The following ARHGAP42 variants were observed in gnomAD, a reference collection of about 807,000 sequenced individuals.
The protein encoded by ARHGAP42 is rho GTPase-activating protein 42.
Under a neutral mutation model 125.0 loss-of-function variants are expected in ARHGAP42, and 63 were observed. That is an observed-to-expected ratio of 0.50 (90% CI 0.41 to 0.62). The LOEUF (loss-of-function observed/expected upper bound fraction) is 0.62. Among genes scored for constraint, ARHGAP42 ranks in the 20% least tolerant of loss-of-function variants. The pLI is 0.00. For synonymous variants in ARHGAP42, 339 were observed against 351.0 expected, an observed-to-expected ratio of 0.97 and a Z score of 0.38; for missense variants, 766 against 1,024.2, an observed-to-expected ratio of 0.75 and a Z score of 3.44.
intron 1 of ARHGAP42, among the ~76,000 whole-genome samples, chr11:100,722,573 A>G (rs1476325062): frequency 6.6e-6 from 1 of 151,956 alleles, no homozygotes; most frequent in Non-Finnish European, 1.5e-5. Flanking sequence ...TATTTTTAGT[A>G]GAGACGGGTT....
At chr11:100,983,688 AAT>A (rs1182896371) in intron 22 of ARHGAP42, among the ~76,000 whole-genome samples, 2 of 152,308 alleles carry the variant, frequency 1.3e-5, no homozygotes, top group African/African-American at 4.8e-5. Context: ...ATGGAATTGC[AAT>A]ATATATGTCT....
chr11:100,730,653 T>G (rs982216116), intron 1 of ARHGAP42, among the ~76,000 whole-genome samples: 1 of 152,244 alleles, frequency 6.6e-6, no homozygotes, highest in African/African-American at 2.4e-5. Context: ...CATTTTTTCC[T>G]TAAAGTGGGT....
rs1418628006 is a variant in ARHGAP42 at position 100,987,611 on chromosome 11, T to G, written c.2536+19T>G. ...TCTAATGGTAAGTATGTCAATTCCC[T>G]CTGCCTAAGTTTGTCATCATGGGGA... is the stretch of plus-strand genomic sequence containing the variant. On this transcript the variant is annotated intron_variant, in intron 23 of 23. Transcript: ENST00000298815. The G allele has an allele frequency of 6.5e-7, 1 of 1,546,740 alleles. No homozygotes were observed. Among genetic ancestry groups the G allele is most frequent in the South Asian group, 1.2e-5 (1 of 83,960 alleles).
intron 1 of ARHGAP42, among the ~76,000 whole-genome samples, chr11:100,713,423 A>C (rs1861597544): frequency 6.6e-6 from 1 of 152,150 alleles, no homozygotes; most frequent in South Asian, 2.1e-4. Context: ...GGATCCTCTG[A>C]TCCTCTGTAC....
chr11:100,799,499 C>T (rs1372940961), intron 3 of ARHGAP42, among the ~76,000 whole-genome samples: 2 of 152,140 alleles, frequency 1.3e-5, no homozygotes, highest in Admixed American at 6.5e-5. Flanking sequence ...TCAAAGAAGT[C>T]TAACTTCCAC....
rs554039213 is a variant in ARHGAP42, at chr11:100,867,581, A to G, written c.384+7956A>G. Among the ~76,000 whole-genome samples the G allele has an allele frequency of 2.7e-4, 41 of 152,336 alleles. 1 individual carries two copies. The highest frequency in any genetic ancestry group is 9.4e-4 in the African/African-American group (39 of 41,572). On this transcript the variant is annotated intron_variant, in intron 4 of 23. Transcript: ENST00000298815. ...CGTGCTCTGGATAAGGCTTTGGCTT[A>G]AGGGAATATTGTGGTTGATCTTCTA...
chr11:100,838,389 A>G (rs1864866110), intron 3 of ARHGAP42, among the ~76,000 whole-genome samples: 1 of 152,100 alleles, frequency 6.6e-6, no homozygotes, highest in Admixed American at 6.6e-5. Context: ...TATGCTCATC[A>G]AGCTAAAGAT....
intron 2 of ARHGAP42, among the ~76,000 whole-genome samples, chr11:100,774,520 C>T (rs1863067109): frequency 6.6e-6 from 1 of 152,152 alleles, no homozygotes; most frequent in African/African-American, 2.4e-5. Flanking sequence ...AATACTGTGA[C>T]TTACAAAGAA....
chr11:100,879,490 G>T (rs891140812), intron 4 of ARHGAP42, among the ~76,000 whole-genome samples: 1 of 152,142 alleles, frequency 6.6e-6, no homozygotes, highest in Non-Finnish European at 1.5e-5. Flanking sequence ...TATTTGGTGG[G>T]TTTTGTTTGT....
In ARHGAP42 at chr11:100,795,145, A is replaced by C. The variant is rs1158525607; in HGVS notation, c.291A>C (p.Val97=). 6.5e-7 allele frequency: 1 copy of C among 1,543,778 alleles called. No homozygotes were observed. Among genetic ancestry groups the C allele is most frequent in the Non-Finnish European group, 8.7e-7 (1 of 1,143,376 alleles). Residue 97 remains valine (V), a synonymous_variant, in exon 3 of 24, where the codon GTA becomes GTC. Coordinates refer to ENST00000298815, the MANE Select transcript of ARHGAP42 (RefSeq NM_152432.4). Reference sequence around the variant, plus strand: ...AATTTGCAAGACTACTCATTGCAGTAGAAGAAGAAAGGCGAAGACTGGTAA... The same window carrying C: ...AATTTGCAAGACTACTCATTGCAGTCGAAGAAGAAAGGCGAAGACTGGTAA... ...LKEFARLLIA[V]EEERRRLIQN...
chr11:100,772,704 G>A (rs1028396892), intron 2 of ARHGAP42, among the ~76,000 whole-genome samples: 1 of 152,048 alleles, frequency 6.6e-6, no homozygotes, highest in Non-Finnish European at 1.5e-5. Context: ...ATAAACGTCT[G>A]GTCCTCAACA....
intron 4 of ARHGAP42, among the ~76,000 whole-genome samples, chr11:100,905,094 A>G (rs570031915): frequency 6.6e-6 from 1 of 152,292 alleles, no homozygotes; most frequent in Admixed American, 6.5e-5. Flanking sequence ...CATTCTTACC[A>G]ATTTTTCAAC....
intron 12 of ARHGAP42, among the ~76,000 whole-genome samples, chr11:100,954,588 T>A (rs518675): frequency 0.88 from 134,221 of 152,158 alleles, 59,294 homozygotes; most frequent in East Asian, 1. Context: ...TTGAGCTTCA[T>A]ATTGTGGTTT....
chr11:100,824,943 A>C lies in ARHGAP42; in HGVS notation c.312+29777A>C, dbSNP rs75846934. Among the ~76,000 whole-genome samples, 206 of 152,326 alleles carry C rather than the reference A, an allele frequency of 1.4e-3. 1 individual carries two copies. The highest frequency in any genetic ancestry group is 4.5e-3 in the African/African-American group (187 of 41,580). ...TTAGCACATAGCACAGCTGGGCTGA[A>C]TAATTGTTATGAGTGAATGTTTTTA... On this transcript the variant is annotated intron_variant, in intron 3 of 23. Transcript: ENST00000298815.
chr11:100,793,621 A>G (rs1863627705), intron 2 of ARHGAP42, among the ~76,000 whole-genome samples: 2 of 152,176 alleles, frequency 1.3e-5, no homozygotes, highest in Non-Finnish European at 2.9e-5. Flanking sequence ...AATATTTTTT[A>G]TCTTCCTTAA....
intron 4 of ARHGAP42, among the ~76,000 whole-genome samples, chr11:100,871,545 T>TAAAAAAA (rs35883788): frequency 7.8e-6 from 1 of 127,792 alleles, no homozygotes. Context: ...GACTGTTTCT[T>TAAAAAAA]AAAAAAAAAA....
rs111916819 is a variant in ARHGAP42 at position 100,972,751 on chromosome 11, G to A, written c.1551-424G>A. Among the ~76,000 whole-genome samples the A allele has an allele frequency of 2.6e-3, 397 of 152,214 alleles. 2 individuals are homozygous for A. Among genetic ancestry groups the A allele is most frequent in the African/African-American group, 9.2e-3 (383 of 41,536 alleles). On this transcript the variant is annotated intron_variant, in intron 17 of 23. Coordinates refer to ENST00000298815, the MANE Select transcript of ARHGAP42 (RefSeq NM_152432.4). The stretch of plus-strand genomic sequence containing the variant: ...ATAGGAATATCTGACTTACTGGGAA[G>A]ACTAAATACAATAATATGTAGGAAA...
chr11:100,819,978 A>G (rs966611409), intron 3 of ARHGAP42, among the ~76,000 whole-genome samples: 1 of 152,172 alleles, frequency 6.6e-6, no homozygotes, highest in African/African-American at 2.4e-5. Context: ...GGAAATTTCT[A>G]TGATTTCTCA....
intron 4 of ARHGAP42, among the ~76,000 whole-genome samples, chr11:100,870,858 T>A (rs922256799): frequency 6.6e-6 from 1 of 152,108 alleles, no homozygotes; most frequent in African/African-American, 2.4e-5. Context: ...AGCCATTCTA[T>A]GTTTAATTTT....
Sources: allele counts gnomAD v4.1 joint callset (sites outside exome capture counted in the v4.1 genomes callset), GRCh38; gene constraint gnomAD v4.1.1; transcripts MANE v1.5; gene names NCBI Gene and HGNC (gene_info 2026-07-23, HGNC 2026-07-21).